EXT1: variants seen among roughly 807,000 people sequenced by gnomAD.
EXT1 encodes exostosin-1.
A neutral mutation model predicts 82.5 loss-of-function variants in EXT1; 20 were observed. The observed-to-expected ratio is 0.24, with a 90% CI of 0.17 to 0.35. The LOEUF (loss-of-function observed/expected upper bound fraction) is 0.35, where lower values mean the gene tolerates loss of function less well. Ranked by LOEUF, EXT1 falls within the 10% of genes least tolerant of loss-of-function variation. The pLI, the probability that EXT1 is intolerant of heterozygous loss-of-function variation, is 1.00. For synonymous variants in EXT1, 348 were observed against 350.8 expected (o/e 0.99, Z 0.09); for missense variants, 757 against 936.5 (o/e 0.81, Z 2.50).
rs181827678 is a variant in EXT1, at chr8:117,804,358, G to C, written c.2055+364C>G. 1.3e-4 allele frequency among the ~76,000 whole-genome samples: 20 copies of C among 152,142 alleles called. No individual in the cohort carries two copies. The East Asian group carries it at 3.9e-3, about 29-fold the overall frequency. On this transcript the variant is annotated intron_variant, in intron 10 of 10. Transcript: ENST00000378204. ...CCAAATCTGCTGGTGCCTTGATCTG[G>C]GACTCTCCAGCCTCTAGAACTATGA...
At chr8:117,813,954 T>A (rs1811738721) in intron 7 of EXT1, among the ~76,000 whole-genome samples, 1 of 151,246 alleles carries the variant, frequency 6.6e-6, no homozygotes, top group African/African-American at 2.4e-5. Flanking sequence ...TACAGTGAGC[T>A]GAGATGGTGC....
At chr8:118,100,564 A>G (rs1021194665) in intron 1 of EXT1, among the ~76,000 whole-genome samples, 4 of 152,152 alleles carry the variant, frequency 2.6e-5, no homozygotes, top group African/African-American at 7.2e-5. Flanking sequence ...CCTGGCTAAC[A>G]CGGTGAAACC....
At chr8:118,070,275 T>C (rs923937762) in intron 1 of EXT1, among the ~76,000 whole-genome samples, 44 of 132,948 alleles carry the variant, frequency 3.3e-4, no homozygotes, top group African/African-American at 5.3e-4. Flanking sequence ...TGTGTGTGTG[T>C]GCATATCATA....
intron 1 of EXT1, among the ~76,000 whole-genome samples, chr8:117,963,453 T>C (rs1181956675): frequency 6.6e-6 from 1 of 152,160 alleles, no homozygotes; most frequent in Non-Finnish European, 1.5e-5. Context: ...GCGCCTTCTC[T>C]ATTCGAGTTT....
intron 1 of EXT1, among the ~76,000 whole-genome samples, chr8:118,016,219 C>A (rs1816001537): frequency 6.6e-6 from 1 of 152,246 alleles, no homozygotes; most frequent in South Asian, 2.1e-4. Flanking sequence ...TGGAGAAACA[C>A]CATCTCTACC....
intron 9 of EXT1, among the ~76,000 whole-genome samples, 159 bp from the exon 10 acceptor site, chr8:117,805,052 G>A (rs1174199615): frequency 1.3e-5 from 2 of 152,088 alleles, no homozygotes; most frequent in Non-Finnish European, 2.9e-5. Flanking sequence ...CACTTCTATG[G>A]TACTTGTTAT....
chr8:118,041,665 AGAAGGAAGGAAGGAAGGAAGGAAGGAAG>A (rs57360744), intron 1 of EXT1, among the ~76,000 whole-genome samples: 1 of 125,126 alleles, frequency 8.0e-6, no homozygotes, highest in Non-Finnish European at 1.7e-5. Context: ...AGAGAGAGAA[AGAAGGAAGGAAGGAAGGAAGGAAGGAAG>A]GAAGGAAGGA....
At chr8:117,886,186 C>G (rs1339882983) in intron 1 of EXT1, among the ~76,000 whole-genome samples, 1 of 152,102 alleles carries the variant, frequency 6.6e-6, no homozygotes, top group Non-Finnish European at 1.5e-5. Flanking sequence ...AAAATTGTAC[C>G]TTGTAAATGA....
At chr8:118,036,323 C>T (rs931621684) in intron 1 of EXT1, among the ~76,000 whole-genome samples, 1 of 152,092 alleles carries the variant, frequency 6.6e-6, no homozygotes, top group African/African-American at 2.4e-5. Context: ...ATCCCCCTAT[C>T]GCCTTCCCTT....
chr8:117,940,977 C>T (rs941678813), intron 1 of EXT1, among the ~76,000 whole-genome samples: 3 of 152,178 alleles, frequency 2.0e-5, no homozygotes, highest in African/African-American at 7.2e-5. Flanking sequence ...GCCATTCATG[C>T]TACAGATTCC....
intron 1 of EXT1, among the ~76,000 whole-genome samples, chr8:117,897,578 G>A (rs1034299372): frequency 2.9e-5 from 4 of 139,430 alleles, no homozygotes; most frequent in Admixed American, 1.4e-4. Context: ...GCCCATTGCC[G>A]GGCTTCTTTT....
intron 1 of EXT1, among the ~76,000 whole-genome samples, chr8:117,889,331 C>T (rs1269894228): frequency 4.6e-5 from 7 of 152,164 alleles, no homozygotes; most frequent in Admixed American, 4.6e-4. Flanking sequence ...CCCTAATCCA[C>T]ACCGTAACTA....
intron 1 of EXT1, among the ~76,000 whole-genome samples, chr8:118,003,873 T>TACAAAAAAAAAAAAA (rs1815724205): frequency 6.6e-6 from 1 of 152,220 alleles, no homozygotes; most frequent in Non-Finnish European, 1.5e-5. Flanking sequence ...TATATTTTCA[T>TACAAAAAAAAAAAAA]GGTTTTTGTA....
At position 118,095,590 on chromosome 8, in the gene EXT1, ACT is replaced by A. The variant is rs1404277272; in HGVS notation, c.962+14493_962+14494del. Among the ~76,000 whole-genome samples the A allele has an allele frequency of 9.2e-5, 14 of 152,296 alleles. No homozygotes were observed. The South Asian group carries it at 2.7e-3, about 29-fold the overall frequency. Reference sequence around the variant, plus strand: ...GAAATGGTGTTTTCAAGAAAAATTTACTCTCTGTCAGTAAAGCAAAAGCATCT... The same window carrying A: ...GAAATGGTGTTTTCAAGAAAAATTTACTCTGTCAGTAAAGCAAAAGCATCT... On this transcript the variant is annotated intron_variant, in intron 1 of 10. Transcript: ENST00000378204.
At chr8:117,970,946 A>C (rs1814927153) in intron 1 of EXT1, among the ~76,000 whole-genome samples, 1 of 152,156 alleles carries the variant, frequency 6.6e-6, no homozygotes, top group South Asian at 2.1e-4. Context: ...CAAGAGGATG[A>C]GAAATCTCAG....
intron 1 of EXT1, among the ~76,000 whole-genome samples, chr8:117,989,442 G>C (rs984631518): frequency 6.6e-6 from 1 of 152,094 alleles, no homozygotes; most frequent in Admixed American, 6.5e-5. Context: ...TGAGAACAAA[G>C]ACCCTTAAGT....
chr8:118,073,632 A>AAGAAGAGAAG (rs200527277), intron 1 of EXT1, among the ~76,000 whole-genome samples: 4,350 of 89,404 alleles, frequency 0.049, 227 homozygotes, highest in Non-Finnish European at 0.059. Flanking sequence ...AGAGAAGAGA[A>AAGAAGAGAAG]AGAAGAGAAG....
chr8:118,096,558 G>A (rs796505033), intron 1 of EXT1, among the ~76,000 whole-genome samples: 20 of 151,124 alleles, frequency 1.3e-4, no homozygotes, highest in East Asian at 3.9e-4. Context: ...CCGAGATCAC[G>A]CCACTGCGGC....
chr8:118,000,331 A>T (rs1815635811), intron 1 of EXT1, among the ~76,000 whole-genome samples: 1 of 152,098 alleles, frequency 6.6e-6, no homozygotes, highest in Non-Finnish European at 1.5e-5. Context: ...ACAATCCCTG[A>T]CTACCTTGAC....
Sources: allele counts gnomAD v4.1 joint callset (sites outside exome capture counted in the v4.1 genomes callset), GRCh38; gene constraint gnomAD v4.1.1; transcripts MANE v1.5; gene names NCBI Gene and HGNC (gene_info 2026-07-23, HGNC 2026-07-21).